Variants in MTMR3 observed in about 807,000 individuals in gnomAD.
The protein encoded by MTMR3 is myotubularin related protein 3.
In MTMR3, 32 loss-of-function variants were observed where a neutral mutation model predicts 132.4. The observed-to-expected ratio is 0.24, with a 90% CI of 0.18 to 0.32. The LOEUF is 0.32. Among genes scored for constraint, MTMR3 ranks in the 10% least tolerant of loss-of-function variants. The pLI is 1.00. For missense variants in MTMR3, 1,216 were observed against 1,489.6 expected (o/e 0.82, Z 3.02); for synonymous variants, 556 against 550.3 (o/e 1.01, Z -0.14).
rs560211285 is a variant in MTMR3 at position 29,932,994 on chromosome 22, C to T, written c.-137-24042C>T. On this transcript the variant is annotated intron_variant, in intron 1 of 19. Transcript: ENST00000401950. Reference sequence around the variant, plus strand: ...TTAAAATTTTTATTTTTTGAGATGGCGTCTTGCTCTGTTGCTCAGGCTGGA... The same window carrying T: ...TTAAAATTTTTATTTTTTGAGATGGTGTCTTGCTCTGTTGCTCAGGCTGGA... Among the ~76,000 whole-genome samples the T allele has an allele frequency of 7.4e-4, 113 of 151,854 alleles. 1 individual carries two copies. The South Asian group carries it at 0.014, about 19-fold the overall frequency.
intron 12 of MTMR3, 43 bp from the exon 13 acceptor site, chr22:30,012,325 C>T (rs1354139995): frequency 6.3e-7 from 1 of 1,578,742 alleles, no homozygotes; most frequent in Non-Finnish European, 8.6e-7. Context: ...TGCAGTAAAT[C>T]ATAAAAAAAT....
intron 1 of MTMR3, among the ~76,000 whole-genome samples, chr22:29,944,756 C>G (rs1420934029): frequency 4.6e-5 from 7 of 152,134 alleles, no homozygotes; most frequent in Admixed American, 4.6e-4. Flanking sequence ...TGCAGTAGAT[C>G]TTTACAAACT....
At chr22:29,937,418 G>C (rs1222390625) in intron 1 of MTMR3, among the ~76,000 whole-genome samples, 1 of 101,210 alleles carries the variant, frequency 9.9e-6, no homozygotes, top group African/African-American at 4.5e-5. Flanking sequence ...AAACTTTGCA[G>C]ATTTTTTTTT....
intron 1 of MTMR3, among the ~76,000 whole-genome samples, chr22:29,896,733 C>T (rs577043833): frequency 2.6e-5 from 4 of 152,074 alleles, no homozygotes; most frequent in South Asian, 4.1e-4. Flanking sequence ...TATAACATAA[C>T]CATTTATTTA....
chr22:29,906,290 A>G (rs12159338), intron 1 of MTMR3, among the ~76,000 whole-genome samples: 192 of 58,870 alleles, frequency 3.3e-3, no homozygotes, highest in African/African-American at 4.8e-3. Flanking sequence ...CTGTCTGTCT[A>G]TCTATCTATC....
At chr22:30,022,835 T>C (rs1231457416) in intron 19 of MTMR3, 138 bp downstream of exon 19, 12 of 738,170 alleles carry the variant, frequency 1.6e-5, no homozygotes, top group Admixed American at 2.7e-5. Flanking sequence ...CCTGTGCCTC[T>C]GAAATTGGTG....
chr22:29,896,323 C>CA (rs965140739), intron 1 of MTMR3, among the ~76,000 whole-genome samples: 1 of 151,824 alleles, frequency 6.6e-6, no homozygotes, highest in Non-Finnish European at 1.5e-5. Context: ...AACAAACAAA[C>CA]AAAAAAAACT....
At chr22:29,884,659 T>G (rs1468315382) in intron 1 of MTMR3, among the ~76,000 whole-genome samples, 3 of 149,704 alleles carry the variant, frequency 2.0e-5, no homozygotes, top group Non-Finnish European at 3.0e-5. Context: ...GCCTGCCAGG[T>G]TCTAGCAATC....
rs562172887 is a variant in MTMR3 at position 29,899,552 on chromosome 22, T to G, written c.-138+16193T>G. ...ATCCCATTCTTCATATTGATCATTG[T>G]TTTTGGATATTAAATAATACTACTG... On this transcript the variant is annotated intron_variant, in intron 1 of 19. Transcript: ENST00000401950. The G allele has an allele frequency of 3.3e-5, 5 of 152,314 alleles. No homozygotes were observed. The East Asian group carries it at 9.6e-4, about 29-fold the overall frequency. The allele number at this position is 152,314 out of a possible 1,614,324, so 9.4% of individuals were successfully genotyped here. A position where few individuals can be genotyped will look rare whatever the true frequency, so the allele number is the denominator to read the frequency against.
chr22:29,933,090 T>C (rs1017251539), intron 1 of MTMR3, among the ~76,000 whole-genome samples: 1 of 152,176 alleles, frequency 6.6e-6, no homozygotes, highest in African/African-American at 2.4e-5. Context: ...TGCTTCAGCC[T>C]CCCTAGTAGC....
At chr22:29,982,933 T>G (rs993699875) in intron 5 of MTMR3, 2 of 108,418 alleles carry the variant, frequency 1.8e-5, no homozygotes, top group African/African-American at 9.2e-5. Context: ...GTTTAAAAGT[T>G]TGTTTGTGTG....
At chr22:29,999,487 T>G (rs2067125325) in intron 8 of MTMR3, 2 of 152,240 alleles carry the variant, frequency 1.3e-5, no homozygotes, top group Admixed American at 1.3e-4. Flanking sequence ...TTTAAATAAT[T>G]TCATGCATGA....
chr22:29,926,072 G>A (rs540906310), intron 1 of MTMR3, among the ~76,000 whole-genome samples: 3 of 152,166 alleles, frequency 2.0e-5, no homozygotes, highest in Non-Finnish European at 2.9e-5. Flanking sequence ...TTAGACCTTC[G>A]CAACTGCTAG....
intron 3 of MTMR3, among the ~76,000 whole-genome samples, chr22:29,974,425 G>A (rs1395371041): frequency 6.6e-6 from 1 of 152,210 alleles, no homozygotes; most frequent in East Asian, 1.9e-4. Flanking sequence ...TACAAGGGGA[G>A]AAAAGTTCTG....
chr22:29,893,812 ATTAC>A (rs1171074364), intron 1 of MTMR3, among the ~76,000 whole-genome samples: 11 of 151,984 alleles, frequency 7.2e-5, no homozygotes, highest in African/African-American at 2.7e-4. Context: ...ACGAGCATGT[ATTAC>A]TTTTATACGT....
chr22:29,955,455 A>G (rs1330156996), intron 1 of MTMR3, among the ~76,000 whole-genome samples: 1 of 152,206 alleles, frequency 6.6e-6, no homozygotes, highest in Non-Finnish European at 1.5e-5. Context: ...CTGCTGTACT[A>G]TGTTGTATTT....
In MTMR3 at chr22:30,022,059, G is replaced by A; in HGVS notation, c.3256G>A (p.Asp1086Asn). The change falls in exon 18 of 20, where the codon GAT becomes AAT. Residue 1086 changes from aspartate to asparagine, a missense_variant. Coordinates refer to ENST00000401950, the MANE Select transcript of MTMR3 (RefSeq NM_021090.4). ...AATCCCCGACTCGGAAAGCAATCTG[G>A]ATCAGAACTGTTTGTCTCGCTGCAG... ...TSIPDSESNL[D>N]QNCLSRCSTE... 6.2e-7 allele frequency: 1 copy of A among 1,614,196 alleles called. No homozygotes were observed. The highest frequency in any genetic ancestry group is 2.2e-5 in the East Asian group (1 of 44,888).
intron 1 of MTMR3, among the ~76,000 whole-genome samples, chr22:29,944,020 T>C (rs1195351705): frequency 6.6e-6 from 1 of 151,716 alleles, no homozygotes; most frequent in Non-Finnish European, 1.5e-5. Flanking sequence ...GATTTTGCCA[T>C]GTTGCCTAGG....
chr22:30,026,147 C>T lies in MTMR3; in HGVS notation c.*346C>T, dbSNP rs758604828. ...ACACTGAGGGATGGCTTGTTTCTTCCGGGTGGGAGGATGGTGGTCAGAGCC... is the reference window on the plus strand; with the variant it reads ...ACACTGAGGGATGGCTTGTTTCTTCTGGGTGGGAGGATGGTGGTCAGAGCC... On this transcript the variant is annotated 3_prime_UTR_variant, in exon 20 of 20. Transcript: ENST00000401950. The T allele has an allele frequency of 8.2e-5, 20 of 244,174 alleles. No individual in the cohort carries two copies. The highest frequency in any genetic ancestry group is 1.7e-4 in the East Asian group (2 of 11,496). 15.1% of individuals were successfully genotyped at this position (244,174 alleles called of 1,614,324 possible).
Sources: gnomAD v4.1 joint callset for allele counts (sites outside exome capture counted in the v4.1 genomes callset) on GRCh38, gnomAD v4.1.1 for gene constraint, MANE v1.5 for transcripts, NCBI Gene and HGNC (gene_info 2026-07-23, HGNC 2026-07-21) for gene names.